The following AKAP6 variants were observed in gnomAD, a reference collection of about 807,000 sequenced individuals.
The protein encoded by AKAP6 is A-kinase anchoring protein 6.
A neutral mutation model predicts 188.5 loss-of-function variants in AKAP6; 58 were observed. The ratio of observed to expected loss-of-function variants is 0.31; its 90% confidence interval spans 0.25 to 0.38. AKAP6 has a LOEUF of 0.38. Among genes scored for constraint, AKAP6 ranks in the 10% least tolerant of loss-of-function variants. The probability of loss-of-function intolerance (pLI) is 1.00; values close to 1 mark genes in which losing one functional copy is unlikely to be tolerated. For missense variants in AKAP6, 2,710 were observed against 2,740.0 expected (o/e 0.99, Z 0.24); for synonymous variants, 989 against 998.6 (o/e 0.99, Z 0.18).
chr14:32,710,793 G>C (rs1392058985), intron 9 of AKAP6, among the ~76,000 whole-genome samples: 1 of 152,034 alleles, frequency 6.6e-6, no homozygotes, highest in Non-Finnish European at 1.5e-5. Flanking sequence ...GCTTCACCTG[G>C]TCCTTGGTAA....
intron 2 of AKAP6, among the ~76,000 whole-genome samples, chr14:32,489,913 G>A (rs780999855): frequency 5.4e-4 from 82 of 152,322 alleles, no homozygotes; most frequent in African/African-American, 1.8e-3. Flanking sequence ...GGGTGCAGGC[G>A]GGCTAAGTCT....
chr14:32,436,647 A>G (rs571298091), intron 2 of AKAP6, among the ~76,000 whole-genome samples: 93 of 152,264 alleles, frequency 6.1e-4, no homozygotes, highest in African/African-American at 2.1e-3. Context: ...GGGATCTTTT[A>G]AATACGTAAA....
At chr14:32,699,013 T>G (rs546293564) in intron 9 of AKAP6, among the ~76,000 whole-genome samples, 1 of 152,232 alleles carries the variant, frequency 6.6e-6, no homozygotes, top group East Asian at 1.9e-4. Context: ...CCTGGAGTAT[T>G]TATGCCCAAA....
chr14:32,691,937 A>G (rs1890196548), intron 8 of AKAP6, among the ~76,000 whole-genome samples: 1 of 152,214 alleles, frequency 6.6e-6, no homozygotes, highest in African/African-American at 2.4e-5. Flanking sequence ...GGATTAACAC[A>G]TGGCCAAGAA....
intron 12 of AKAP6, among the ~76,000 whole-genome samples, chr14:32,809,831 T>C (rs1490803206): frequency 1.3e-5 from 2 of 152,212 alleles, no homozygotes; most frequent in Non-Finnish European, 2.9e-5. Context: ...ATCGCAGCCA[T>C]GACATTTGCC....
At chr14:32,726,819 C>CT (rs1226376258) in intron 9 of AKAP6, among the ~76,000 whole-genome samples, 1 of 152,204 alleles carries the variant, frequency 6.6e-6, no homozygotes, top group Non-Finnish European at 1.5e-5. Flanking sequence ...GATAGAAGAG[C>CT]TGCGGGGCTG....
intron 5 of AKAP6, among the ~76,000 whole-genome samples, chr14:32,579,058 C>G (rs1466283554): frequency 2.0e-5 from 3 of 152,104 alleles, no homozygotes; most frequent in Non-Finnish European, 4.4e-5. Context: ...GTGGCTAATG[C>G]AACTGAAGAA....
At chr14:32,671,166 T>C (rs79646392) in intron 7 of AKAP6, among the ~76,000 whole-genome samples, 1 of 152,214 alleles carries the variant, frequency 6.6e-6, no homozygotes, top group East Asian at 1.9e-4. Context: ...CAGGGAAGAC[T>C]TGGATGCAAG....
At chr14:32,783,977 G>A (rs1438580414) in intron 12 of AKAP6, among the ~76,000 whole-genome samples, 1 of 152,060 alleles carries the variant, frequency 6.6e-6, no homozygotes, top group Non-Finnish European at 1.5e-5. Flanking sequence ...ACTTAGATTT[G>A]GAAATTAGGT....
chr14:32,730,955 G>GA (rs1291688695), intron 9 of AKAP6, among the ~76,000 whole-genome samples: 1 of 152,092 alleles, frequency 6.6e-6, no homozygotes, highest in Non-Finnish European at 1.5e-5. Flanking sequence ...CCTTCCATTA[G>GA]AAAACGCAAT....
intron 8 of AKAP6, among the ~76,000 whole-genome samples, chr14:32,687,427 TC>T (rs1889976849): frequency 1.0e-4 from 15 of 144,014 alleles, no homozygotes; most frequent in African/African-American, 3.8e-4. Flanking sequence ...TCTCTCTCTC[TC>T]TCTCTCTCTC....
At chr14:32,681,563 A>G (rs904516286) in intron 8 of AKAP6, among the ~76,000 whole-genome samples, 2 of 152,196 alleles carry the variant, frequency 1.3e-5, no homozygotes, top group East Asian at 1.9e-4. Flanking sequence ...TCTTCCTACT[A>G]TGGAGAAATG....
intron 4 of AKAP6, among the ~76,000 whole-genome samples, chr14:32,553,731 C>T (rs1594738876): frequency 6.6e-6 from 1 of 152,254 alleles, no homozygotes; most frequent in South Asian, 2.1e-4. Context: ...TAACCATTCC[C>T]TTTCCACAAA....
intron 1 of AKAP6, chr14:32,418,099 G>A (rs1015695916): frequency 6.6e-6 from 1 of 152,150 alleles, no homozygotes; most frequent in African/African-American, 2.4e-5. Context: ...AAGACCAACA[G>A]TAGCAATGTC....
chr14:32,386,271 AT>A (rs1888535806), intron 1 of AKAP6, among the ~76,000 whole-genome samples: 1 of 151,804 alleles, frequency 6.6e-6, no homozygotes, highest in Non-Finnish European at 1.5e-5. Flanking sequence ...AACATCTATT[AT>A]TTTTTTATTT....
At chr14:32,800,052 T>TCC (rs1438594327) in intron 12 of AKAP6, among the ~76,000 whole-genome samples, 1 of 124,536 alleles carries the variant, frequency 8.0e-6, no homozygotes, top group African/African-American at 3.2e-5. Flanking sequence ...TCTCTCTCTC[T>TCC]CTCTCTCTCT....
At chr14:32,803,198 C>G (rs998670423) in intron 12 of AKAP6, among the ~76,000 whole-genome samples, 2 of 151,488 alleles carry the variant, frequency 1.3e-5, no homozygotes, top group African/African-American at 4.9e-5. Flanking sequence ...AATCCCAGCA[C>G]TTTGGGAGGC....
In AKAP6 at chr14:32,718,399, A is replaced by C. The variant is rs1359289013; in HGVS notation, c.3001-14055A>C. 4 of 898,612 alleles carry C rather than the reference A, an allele frequency of 4.5e-6. No individual in the cohort carries two copies. In the Admixed American group the frequency reaches 2.5e-4, roughly 56 times the overall value. 55.7% of individuals were successfully genotyped at this position (898,612 alleles called of 1,614,324 possible). On this transcript the variant is annotated intron_variant, in intron 9 of 13. Coordinates refer to ENST00000280979, the MANE Select transcript of AKAP6 (RefSeq NM_004274.5). ...ACAAATATGGGTAGGTACCCAAAAG[A>C]AACAAAAAGGCCCAAGGGGTCAGGG... is the stretch of plus-strand genomic sequence containing the variant.
At chr14:32,646,011 C>T (rs1487699263) in intron 7 of AKAP6, among the ~76,000 whole-genome samples, 1 of 151,958 alleles carries the variant, frequency 6.6e-6, no homozygotes, top group Non-Finnish European at 1.5e-5. Context: ...TAATGGTGCC[C>T]ACCTGGAAAC....
Sources: allele counts gnomAD v4.1 joint callset (sites outside exome capture counted in the v4.1 genomes callset), GRCh38; gene constraint gnomAD v4.1.1; transcripts MANE v1.5; gene names NCBI Gene and HGNC (gene_info 2026-07-23, HGNC 2026-07-21).